APC: variants seen among roughly 807,000 people sequenced by gnomAD.
APC encodes the protein APC regulator of Wnt signaling pathway, also known as adenomatous polyposis coli protein.
A neutral mutation model predicts 247.0 loss-of-function variants in APC; 72 were observed. That is an observed-to-expected ratio of 0.29 (90% confidence interval 0.24 to 0.35). The LOEUF (loss-of-function observed/expected upper bound fraction) is 0.35, where lower values mean the gene tolerates loss of function less well. Ranked by LOEUF, APC falls within the 10% of genes least tolerant of loss-of-function variation. The probability of loss-of-function intolerance (pLI) is 1.00; values close to 1 mark genes in which losing one functional copy is unlikely to be tolerated. For missense variants in APC, 3,400 were observed against 3,360.7 expected, an observed-to-expected ratio of 1.01 and a Z score of -0.29; for synonymous variants, 1,254 against 1,162.5, an observed-to-expected ratio of 1.08 and a Z score of -1.60.
At chr5:112,776,441 C>T (rs1376692100) in intron 5 of APC, among the ~76,000 whole-genome samples, 1 of 152,176 alleles carries the variant, frequency 6.6e-6, no homozygotes, top group African/African-American at 2.4e-5. Flanking sequence ...TCCTAAACTG[C>T]CAACATCTCT....
At position 112,840,692 on chromosome 5, in the gene APC, G is replaced by A. The variant is rs1311394468; in HGVS notation, c.5098G>A (p.Ala1700Thr). Residue 1700 changes from alanine to threonine, a missense_variant, in exon 16 of 16, where the codon GCT (alanine) becomes ACT (threonine). Physicochemically the swap from Ala to Thr is moderately conservative, Grantham distance 58. Transcript: ENST00000257430. The surrounding 1 kb of genome is among the most constrained non-coding windows in gnomAD (Gnocchi z 4.1). ...TACAGAAGGCAGAAGTACAGATGAG[G>A]CTCAAGGAGGAAAAACCTCATCTGT... ...IPTEGRSTDE[A>T]QGGKTSSVTI... is the part of the protein sequence containing the mutation. The A allele has an allele frequency of 1.9e-6, 3 of 1,614,058 alleles. No individual in the cohort carries two copies. The Admixed American group carries it at 5.0e-5, about 27-fold the overall frequency.
At position 112,842,361 on chromosome 5, in the gene APC, C is replaced by A. The variant is rs1766296574; in HGVS notation, c.6767C>A (p.Pro2256Gln). The A allele has an allele frequency of 6.2e-7, 1 of 1,613,954 alleles. No homozygotes were observed. The highest frequency in any genetic ancestry group is 8.5e-7 in the Non-Finnish European group (1 of 1,179,914). The stretch of plus-strand genomic sequence containing the variant: ...AAAAAAGGCCCACCCCTTAAGACTC[C>A]AGCCTCCAAAAGCCCTAGTGAAGGT... ...VSKKGPPLKT[P>Q]ASKSPSEGQT... Residue 2256 changes from proline to glutamine, a missense_variant, in exon 16 of 16, where the codon CCA (proline) becomes CAA (glutamine). By Grantham distance (76) the Pro-to-Gln change is moderately conservative. Around this residue, in one of 9 missense-constraint regions of APC, gnomAD observed 1,788 missense variants for 1,649.5 expected, o/e 1.08. Coordinates refer to ENST00000257430, the MANE Select transcript of APC (RefSeq NM_000038.6).
intron 14 of APC, among the ~76,000 whole-genome samples, chr5:112,832,826 T>C (rs1764436711): frequency 6.6e-6 from 1 of 152,204 alleles, no homozygotes; most frequent in African/African-American, 2.4e-5. Flanking sequence ...CTTTGTTTCA[T>C]GTATATTTTT....
At chr5:112,773,241 C>T (rs1028196492) in intron 4 of APC, among the ~76,000 whole-genome samples, 3 of 152,150 alleles carry the variant, frequency 2.0e-5, no homozygotes, top group African/African-American at 7.2e-5. Context: ...TCCACATACT[C>T]ACTACTAAGA....
intron 8 of APC, among the ~76,000 whole-genome samples, 174 bp from the exon 9 acceptor site, chr5:112,815,321 C>T (rs111793183): frequency 3.9e-5 from 6 of 152,312 alleles, no homozygotes; most frequent in African/African-American, 7.2e-5. Flanking sequence ...TTCTCTAAAA[C>T]ATACTTAGTA....
rs1762421045 is a variant in APC, at chr5:112,815,547, G to A, written c.887G>A (p.Ser296Asn). Residue 296 changes from serine to asparagine, a missense_variant, in exon 9 of 16, where the codon AGC becomes AAC. Physicochemically the swap from Ser to Asn is conservative, Grantham distance 46 (BLOSUM62 1). Transcript: ENST00000257430. ...ACAGCCAGTGTTTTGAGTTCTAGTA[G>A]CACACACTCTGCACCTCGAAGGCTG... The part of the protein sequence containing the change: ...HETASVLSSS[S>N]THSAPRRLTS... The A allele has an allele frequency of 6.2e-7, 1 of 1,612,404 alleles. No homozygotes were observed. Among genetic ancestry groups the A allele is most frequent in the Middle Eastern group, 1.7e-4 (1 of 6,044 alleles).
chr5:112,726,291 T>C (rs1448903730), intron 1 of APC, among the ~76,000 whole-genome samples: 1 of 152,170 alleles, frequency 6.6e-6, no homozygotes, highest in East Asian at 1.9e-4. Flanking sequence ...GAAGGATGAA[T>C]GCATGGGTTT....
At chr5:112,805,991 TC>T (rs1761337454) in intron 8 of APC, among the ~76,000 whole-genome samples, 1 of 152,198 alleles carries the variant, frequency 6.6e-6, no homozygotes, top group Non-Finnish European at 1.5e-5. Context: ...TTATGTCACA[TC>T]TTGCTCTCAC....
chr5:112,738,604 T>C, intron 1 of APC: 1 of 649,710 alleles, frequency 1.5e-6, no homozygotes, highest in Non-Finnish European at 1.9e-6. Context: ...CAAAATGCAG[T>C]GGTAGTGGCT....
At chr5:112,780,687 A>G (rs1758220510) in intron 5 of APC, 103 bp from the exon 6 acceptor site, 1 of 799,908 alleles carries the variant, frequency 1.3e-6, no homozygotes, top group Admixed American at 2.1e-5. Context: ...TGACTGACGT[A>G]TTTGCTTATT....
rs587779804 is a variant in APC, at chr5:112,842,067, C to A, written c.6473C>A (p.Pro2158His). The A allele has an allele frequency of 1.2e-6, 2 of 1,612,200 alleles. No individual in the cohort carries two copies. The highest frequency in any genetic ancestry group is 8.5e-7 in the Non-Finnish European group (1 of 1,178,412). ...CTTACACCTGATCAAGAAGAAAAACCCTTTACAAGTAATAAAGGCCCACGA... is the reference window on the plus strand; with the variant it reads ...CTTACACCTGATCAAGAAGAAAAACACTTTACAAGTAATAAAGGCCCACGA... ...FHLTPDQEEKPFTSNKGPRIL... is the reference protein window; with the variant it reads ...FHLTPDQEEKHFTSNKGPRIL... The change falls in exon 16 of 16, where the codon CCC becomes CAC. Residue 2158 changes from proline to histidine, a missense_variant. Coordinates refer to ENST00000257430, the MANE Select transcript of APC (RefSeq NM_000038.6).
intron 1 of APC, among the ~76,000 whole-genome samples, chr5:112,746,775 C>T (rs372804734): frequency 6.6e-5 from 10 of 151,980 alleles, no homozygotes; most frequent in Non-Finnish European, 8.8e-5. Context: ...ATAGTTTATT[C>T]GACATTTTAA....
Position 112,707,784 on chromosome 5 carries a change from G to A in APC, c.67G>A (p.Gly23Arg), listed in dbSNP as rs762748481. Residue 23 changes from glycine to arginine, a missense_variant, in exon 1 of 14, where the codon GGG becomes AGG. By Grantham distance (125) the Gly-to-Arg change is moderately radical. Transcript: ENST00000507379. ...CGCTTCTGTACCACCCTCAGTTCTCGGGTCCTGGAGCACCGGCGGCAGCAG... is the reference window on the plus strand; with the variant it reads ...CGCTTCTGTACCACCCTCAGTTCTCAGGTCCTGGAGCACCGGCGGCAGCAG... 148 of 1,370,496 alleles carry A rather than the reference G, an allele frequency of 1.1e-4. No individual in the cohort carries two copies. The highest frequency in any genetic ancestry group is 1.4e-4 in the Non-Finnish European group (145 of 1,038,796). 84.9% of individuals were successfully genotyped at this position (1,370,496 alleles called of 1,614,324 possible).
At chr5:112,716,001 ACCTTTT>A (rs1476565290) in intron 1 of APC, among the ~76,000 whole-genome samples, 1 of 151,994 alleles carries the variant, frequency 6.6e-6, no homozygotes, top group Non-Finnish European at 1.5e-5. Flanking sequence ...GGTTATTTGT[ACCTTTT>A]CCTTTTCCTT....
intron 1 of APC, among the ~76,000 whole-genome samples, chr5:112,718,983 A>T (rs1751334837): frequency 6.6e-6 from 1 of 152,202 alleles, no homozygotes; most frequent in Non-Finnish European, 1.5e-5. Context: ...GCAAAGCCCT[A>T]AGGGAAGGAG....
intron 1 of APC, among the ~76,000 whole-genome samples, chr5:112,722,189 C>T (rs892676649): frequency 2.0e-5 from 3 of 152,152 alleles, no homozygotes; most frequent in African/African-American, 7.2e-5. Context: ...GTACATTCAT[C>T]TATTGTATTT....
intron 8 of APC, among the ~76,000 whole-genome samples, chr5:112,808,370 T>C (rs1481200118): frequency 2.0e-5 from 3 of 152,212 alleles, no homozygotes; most frequent in Non-Finnish European, 1.5e-5. Flanking sequence ...CTAATCTGTA[T>C]GTTCCTTCTT....
rs1131691138 is a variant in APC, at chr5:112,840,595, T to A, written c.5001T>A (p.Asn1667Lys). The A allele has an allele frequency of 6.2e-7, 1 of 1,613,588 alleles. No individual in the cohort carries two copies. The highest frequency in any genetic ancestry group is 1.7e-5 in the Admixed American group (1 of 60,002). Residue 1667 changes from asparagine to lysine, a missense_variant, in exon 16 of 16, where the codon AAT (asparagine) becomes AAA (lysine). Asn to Lys is a moderately conservative substitution (Grantham distance 94). Transcript: ENST00000257430. This position sits in a 1 kb window ranked among gnomAD's most constrained non-coding sequence, Gnocchi z 4.1. ...LSDLTIESPPNELAAGEGVRG... is the reference protein window; with the variant it reads ...LSDLTIESPPKELAAGEGVRG... ...ATCTAACAATCGAATCCCCTCCAAA[T>A]GAGTTAGCTGCTGGAGAAGGAGTTA... is the stretch of plus-strand genomic sequence containing the variant.
At chr5:112,825,284 G>A (rs1457153462) in intron 11 of APC, among the ~76,000 whole-genome samples, 1 of 152,104 alleles carries the variant, frequency 6.6e-6, no homozygotes, top group Non-Finnish European at 1.5e-5. Context: ...ACAATACTTT[G>A]TCTTACTTCT....
Sources: gnomAD v4.1 joint callset for allele counts (sites outside exome capture counted in the v4.1 genomes callset) on GRCh38, gnomAD v4.1.1 for gene constraint, gnomAD v4.1.1 regional missense constraint, Gnocchi (gnomAD v3.1) non-coding constraint, MANE v1.5 for transcripts, NCBI Gene and HGNC (gene_info 2026-07-23, HGNC 2026-07-21) for gene names.